ERBB4: variants seen among roughly 807,000 people sequenced by gnomAD.
The protein encoded by ERBB4 is receptor tyrosine-protein kinase erbB-4.
ERBB4 carries 42 observed loss-of-function variants against 158.0 expected under a neutral mutation model. The observed-to-expected ratio is 0.27, with a 90% CI of 0.21 to 0.34. ERBB4 has a LOEUF of 0.34. ERBB4 is among the 10% of genes least tolerant of loss of function. The pLI is 1.00. For missense variants in ERBB4, 1,333 were observed against 1,624.1 expected (o/e 0.82, Z 3.08); for synonymous variants, 583 against 558.7 (o/e 1.04, Z -0.61).
chr2:211,907,279 T>C (rs2125046876), intron 3 of ERBB4, among the ~76,000 whole-genome samples: 1 of 151,960 alleles, frequency 6.6e-6, no homozygotes, highest in East Asian at 2.0e-4. Context: ...CTTCAGCATC[T>C]AGATGATCTC....
intron 2 of ERBB4, among the ~76,000 whole-genome samples, chr2:212,045,513 A>G (rs933056229): frequency 6.6e-6 from 1 of 152,142 alleles, no homozygotes; most frequent in Non-Finnish European, 1.5e-5. Flanking sequence ...TTTTGGTAAT[A>G]TATAGTAGTA....
At chr2:212,401,657 T>C (rs1016113698) in intron 1 of ERBB4, among the ~76,000 whole-genome samples, 6 of 152,144 alleles carry the variant, frequency 3.9e-5, no homozygotes, top group Admixed American at 1.3e-4. Flanking sequence ...AAATTAACCA[T>C]TATGTTTATT....
At chr2:212,495,288 C>T (rs1336052995) in intron 1 of ERBB4, among the ~76,000 whole-genome samples, 4 of 152,132 alleles carry the variant, frequency 2.6e-5, no homozygotes. Flanking sequence ...CACCCATGTG[C>T]TTTTCCTCTG....
intron 2 of ERBB4, among the ~76,000 whole-genome samples, chr2:212,078,927 C>A (rs1487457753): frequency 6.6e-6 from 1 of 150,832 alleles, no homozygotes; most frequent in Non-Finnish European, 1.5e-5. Context: ...TAAATGGAGT[C>A]ATAATATACA....
At chr2:212,116,470 CAG>C (rs1340480592) in intron 2 of ERBB4, among the ~76,000 whole-genome samples, 2 of 152,072 alleles carry the variant, frequency 1.3e-5, no homozygotes, top group African/African-American at 4.8e-5. Flanking sequence ...TTTCTTGAGA[CAG>C]GGTTTTCCTC....
chr2:211,676,296 TG>T (rs2072067867), intron 13 of ERBB4, among the ~76,000 whole-genome samples: 2 of 152,332 alleles, frequency 1.3e-5, no homozygotes, highest in South Asian at 4.1e-4. Flanking sequence ...TATGGTTTCC[TG>T]GGGTGCCATA....
rs115928383 is a variant in ERBB4, at chr2:212,347,867, G to A, written c.82+190582C>T. 6.5e-3 allele frequency among the ~76,000 whole-genome samples: 990 copies of A among 151,956 alleles called. 12 individuals carry two copies. Among genetic ancestry groups the A allele is most frequent in the African/African-American group, 0.023 (950 of 41,470 alleles). ...GTTTTAGTGGTCTGGTCTTTTAAGG[G>A]GGGAAAGTTCAAGAATCACTAACAT... On this transcript the variant is annotated intron_variant, in intron 1 of 27. Transcript: ENST00000342788.
chr2:212,339,365 C>T (rs147648204), intron 1 of ERBB4, among the ~76,000 whole-genome samples: 75 of 152,210 alleles, frequency 4.9e-4, no homozygotes, highest in African/African-American at 1.7e-3. Context: ...TAAAAGAGTA[C>T]AATAAACTAA....
intron 25 of ERBB4, among the ~76,000 whole-genome samples, chr2:211,401,166 C>T (rs1349559911): frequency 6.6e-6 from 1 of 151,904 alleles, no homozygotes; most frequent in Non-Finnish European, 1.5e-5. Flanking sequence ...AGAGCCCTCA[C>T]CACTTAGCCA....
intron 19 of ERBB4, among the ~76,000 whole-genome samples, chr2:211,587,321 C>T (rs1446410663): frequency 6.6e-6 from 1 of 152,166 alleles, no homozygotes; most frequent in Non-Finnish European, 1.5e-5. Context: ...CGCCACTGCA[C>T]TGTAGCCTAG....
At position 211,773,656 on chromosome 2, in the gene ERBB4, TAC is replaced by T. The variant is rs551423861; in HGVS notation, c.556+14367_556+14368del. On this transcript the variant is annotated intron_variant, in intron 4 of 27. Coordinates refer to ENST00000342788, the MANE Select transcript of ERBB4 (RefSeq NM_005235.3). ...TATATATATATATATATAATATATA[TAC>T]ACACACACACACTTCATATACATAC... Among the ~76,000 whole-genome samples the T allele has an allele frequency of 5.6e-3, 667 of 119,372 alleles. 11 individuals are homozygous for T. Among genetic ancestry groups the T allele is most frequent in the African/African-American group, 0.017 (568 of 32,748 alleles). 78.3% of individuals were successfully genotyped at this position (119,372 alleles called of 152,430 possible). A position where few individuals can be genotyped will look rare whatever the true frequency, so the allele number is the denominator to read the frequency against.
intron 1 of ERBB4, among the ~76,000 whole-genome samples, chr2:212,325,389 C>A (rs1190722085): frequency 2.0e-5 from 3 of 150,462 alleles, no homozygotes; most frequent in Non-Finnish European, 4.5e-5. Context: ...GATGGGGAAG[C>A]TTTCCCATTT....
chr2:211,548,247 C>T (rs2066992394), intron 20 of ERBB4, among the ~76,000 whole-genome samples: 1 of 151,420 alleles, frequency 6.6e-6, no homozygotes, highest in Non-Finnish European at 1.5e-5. Flanking sequence ...TCAAATTCAA[C>T]CAGGTGCTTT....
intron 1 of ERBB4, among the ~76,000 whole-genome samples, chr2:212,496,904 G>A (rs1317173699): frequency 2.0e-5 from 3 of 152,016 alleles, no homozygotes; most frequent in Admixed American, 6.6e-5. Context: ...TTTTAGCCAG[G>A]TGAGGTGGTT....
At chr2:211,602,664 T>C (rs552073961) in intron 19 of ERBB4, among the ~76,000 whole-genome samples, 3 of 152,270 alleles carry the variant, frequency 2.0e-5, no homozygotes, top group South Asian at 4.1e-4. Context: ...TTAATGATTA[T>C]TCACATTAAA....
intron 20 of ERBB4, 181 bp downstream of exon 20, chr2:211,561,722 T>C (rs2067397626): frequency 1.6e-6 from 1 of 625,196 alleles, no homozygotes; most frequent in Non-Finnish European, 2.8e-6. Context: ...TAAAAATATA[T>C]ATCACGCATT....
intron 12 of ERBB4, among the ~76,000 whole-genome samples, chr2:211,688,758 C>G (rs1431048474): frequency 3.3e-5 from 5 of 152,128 alleles, no homozygotes; most frequent in African/African-American, 1.2e-4. Flanking sequence ...TCATTTAAAA[C>G]TATATATTCT....
At chr2:212,023,563 T>C (rs1364241041) in intron 2 of ERBB4, among the ~76,000 whole-genome samples, 1 of 152,024 alleles carries the variant, frequency 6.6e-6, no homozygotes, top group Non-Finnish European at 1.5e-5. Flanking sequence ...TCAAAAATAA[T>C]GATTGAATCA....
chr2:211,866,089 A>C (rs2078198856), intron 3 of ERBB4, among the ~76,000 whole-genome samples: 3 of 152,218 alleles, frequency 2.0e-5, no homozygotes, highest in Middle Eastern at 3.4e-3. Flanking sequence ...GTGTCTACTA[A>C]AAATACAAAA....
Sources: gnomAD v4.1 joint callset for allele counts (sites outside exome capture counted in the v4.1 genomes callset) on GRCh38, gnomAD v4.1.1 for gene constraint, MANE v1.5 for transcripts, NCBI Gene and HGNC (gene_info 2026-07-23, HGNC 2026-07-21) for gene names.